FBXO25: variants seen among roughly 807,000 people sequenced by gnomAD.
FBXO25 encodes F-box protein 25, also known as F-box only protein 25.
FBXO25 carries 45 observed loss-of-function variants against 51.9 expected under a neutral mutation model. That is an observed-to-expected ratio of 0.87 (90% CI 0.68 to 1.11). FBXO25 has a LOEUF of 1.11. FBXO25 is among the 50% of genes most tolerant of loss of function. FBXO25 has a pLI of 0.00. For missense variants in FBXO25, 507 were observed against 428.5 expected (o/e 1.18, Z -1.62); for synonymous variants, 199 against 151.0 (o/e 1.32, Z -2.33).
chr8:442,848 A>G (rs923656277), intron 5 of FBXO25, among the ~76,000 whole-genome samples: 7 of 152,222 alleles, frequency 4.6e-5, no homozygotes, highest in African/African-American at 1.4e-4. Flanking sequence ...ACAGAAAAAG[A>G]TATATTTACA....
chr8:453,796 C>G (rs191687745), intron 7 of FBXO25, among the ~76,000 whole-genome samples: 4 of 152,282 alleles, frequency 2.6e-5, no homozygotes, highest in Admixed American at 1.3e-4. Context: ...TGACAGTTGT[C>G]TTTGTCTTCT....
chr8:443,890 G>C (rs924658693), intron 5 of FBXO25, among the ~76,000 whole-genome samples: 1 of 152,036 alleles, frequency 6.6e-6, no homozygotes, highest in Non-Finnish European at 1.5e-5. Context: ...GATCACTGAG[G>C]GCTGTGTCCA....
At chr8:419,841 C>A (rs1797042664) in intron 2 of FBXO25, among the ~76,000 whole-genome samples, 1 of 152,036 alleles carries the variant, frequency 6.6e-6, no homozygotes, top group Admixed American at 6.6e-5. Context: ...ATTCTACTCT[C>A]AGAGAACACA....
chr8:407,303 G>T, intron 1 of FBXO25: 1 of 961,468 alleles, frequency 1.0e-6, no homozygotes, highest in South Asian at 4.8e-5. Context: ...GTCAGGTGGG[G>T]ACGGGGTTGT....
intron 2 of FBXO25, among the ~76,000 whole-genome samples, chr8:417,088 A>G (rs1367569976): frequency 6.6e-6 from 1 of 152,228 alleles, no homozygotes; most frequent in African/African-American, 2.4e-5. Flanking sequence ...ATCATCTGGC[A>G]TATTCAGGGA....
chr8:439,515 TTAGA>T (rs1433034317), intron 5 of FBXO25, among the ~76,000 whole-genome samples: 2 of 152,246 alleles, frequency 1.3e-5, no homozygotes, highest in South Asian at 2.1e-4. Flanking sequence ...GGTGGACCAA[TTAGA>T]TAGCACATCC....
In FBXO25 at chr8:461,452, C is replaced by G. The variant is rs141917670; in HGVS notation, c.844-1555C>G. 2.6e-3 allele frequency among the ~76,000 whole-genome samples: 396 copies of G among 152,302 alleles called. 5 individuals are homozygous for G. Among genetic ancestry groups the G allele is most frequent in the East Asian group, 0.015 (78 of 5,174 alleles). Reference sequence around the variant, plus strand: ...AGGCAAGAGAGCATGTGCAGGGGAACTGCCCTTTATAAAATCATCAGATCT... The same window carrying G: ...AGGCAAGAGAGCATGTGCAGGGGAAGTGCCCTTTATAAAATCATCAGATCT... On this transcript the variant is annotated intron_variant, in intron 8 of 9. Transcript: ENST00000350302.
At chr8:415,286 A>G (rs768436474) in intron 2 of FBXO25, among the ~76,000 whole-genome samples, 167 of 152,176 alleles carry the variant, frequency 1.1e-3, no homozygotes, top group Non-Finnish European at 1.7e-3. Context: ...CCTTCTGCTT[A>G]CTTTTCAACT....
intron 2 of FBXO25, among the ~76,000 whole-genome samples, chr8:425,838 T>G (rs543059904): frequency 6.6e-6 from 1 of 152,172 alleles, no homozygotes; most frequent in African/African-American, 2.4e-5. Context: ...GGAACCACCT[T>G]GTTCTATTTT....
chr8:453,487 C>T (rs1799221890), intron 7 of FBXO25, among the ~76,000 whole-genome samples: 1 of 152,088 alleles, frequency 6.6e-6, no homozygotes, highest in South Asian at 2.1e-4. Context: ...TTACTTGAAA[C>T]CAGTAGAAAG....
intron 9 of FBXO25, among the ~76,000 whole-genome samples, chr8:465,236 T>C (rs1477265719): frequency 6.6e-6 from 1 of 152,190 alleles, no homozygotes; most frequent in Non-Finnish European, 1.5e-5. Context: ...ACACCTGTTC[T>C]TCTCTGAAAT....
rs893687823 is a variant in FBXO25, at chr8:469,125, C to T, written c.*321C>T. The T allele has an allele frequency of 5.2e-5, 13 of 250,798 alleles. No homozygotes were observed. The highest frequency in any genetic ancestry group is 1.5e-4 in the South Asian group (1 of 6,514). The allele number at this position is 250,798 out of a possible 1,614,324, so 15.5% of individuals were successfully genotyped here. A position where few individuals can be genotyped will look rare whatever the true frequency, so the allele number is the denominator to read the frequency against. On this transcript the variant is annotated 3_prime_UTR_variant, in exon 10 of 10. Coordinates refer to ENST00000350302, the MANE Select transcript of FBXO25 (RefSeq NM_183420.2). ...AGCTCCACATTCTTTGTTGACGTGA[C>T]ACTAACGGCCAATAATATGCTTCTT...
chr8:429,466 A>T (rs1301566187), intron 2 of FBXO25, among the ~76,000 whole-genome samples: 1 of 152,228 alleles, frequency 6.6e-6, no homozygotes, highest in South Asian at 2.1e-4. Flanking sequence ...TTATAAAAAG[A>T]GAACATGTTT....
chr8:451,405 A>G lies in FBXO25; in HGVS notation c.612A>G (p.Glu204=), dbSNP rs767062092. 6.2e-7 allele frequency: 1 copy of G among 1,613,952 alleles called. No homozygotes were observed. The highest frequency in any genetic ancestry group is 2.2e-5 in the East Asian group (1 of 44,866). Residue 204 remains glutamate (E), a synonymous_variant, in exon 7 of 10, where the codon GAA becomes GAG. Coordinates refer to ENST00000350302, the MANE Select transcript of FBXO25 (RefSeq NM_183420.2). ...GNINIWICRL[E]TILAWQQQLQ... ...TCAATATTTGGATTTGCCGATTAGAAACTATTCTCGCCTGGCAACAACAGC... is the reference window on the plus strand; with the variant it reads ...TCAATATTTGGATTTGCCGATTAGAGACTATTCTCGCCTGGCAACAACAGC...
At chr8:417,856 C>G (rs867518747) in intron 2 of FBXO25, among the ~76,000 whole-genome samples, 7 of 152,198 alleles carry the variant, frequency 4.6e-5, no homozygotes, top group Admixed American at 2.6e-4. Flanking sequence ...TTCATTATTT[C>G]TAGTGGTATA....
chr8:427,624 T>C (rs10089646), intron 2 of FBXO25, among the ~76,000 whole-genome samples: 54,857 of 134,796 alleles, frequency 0.41, 11,811 homozygotes, highest in African/African-American at 0.47. Flanking sequence ...ATCAAGGGCT[T>C]GGCAGGGTTG....
At position 477,316 on chromosome 8, in the gene FBXO25, TTCTG is replaced by T. The variant is rs1800674466; in HGVS notation, c.*8517_*8520del. ...TTCAAGTTCTGTCTTGCGACTGATC[TTCTG>T]TCTGGTTGTCCTATCCGTTACTGAA... On this transcript the variant is annotated 3_prime_UTR_variant, in exon 10 of 10. Transcript: ENST00000350302. The T allele has an allele frequency of 6.6e-6, 1 of 152,222 alleles. No homozygotes were observed. Among genetic ancestry groups the T allele is most frequent in the Admixed American group, 6.5e-5 (1 of 15,268 alleles). 9.4% of individuals were successfully genotyped at this position (152,222 alleles called of 1,614,324 possible). A position where few individuals can be genotyped will look rare whatever the true frequency, so the allele number is the denominator to read the frequency against.
chr8:432,604 G>A (rs1414693711), intron 3 of FBXO25, among the ~76,000 whole-genome samples: 1 of 152,100 alleles, frequency 6.6e-6, no homozygotes, highest in Non-Finnish European at 1.5e-5. Context: ...TAATGTAATT[G>A]CATTTTATAA....
intron 2 of FBXO25, among the ~76,000 whole-genome samples, chr8:415,847 A>G (rs1796766370): frequency 6.6e-6 from 1 of 152,188 alleles, no homozygotes; most frequent in South Asian, 2.1e-4. Flanking sequence ...TAAATACTAT[A>G]TATCTTTAAG....
Sources: gnomAD v4.1 joint callset for allele counts (sites outside exome capture counted in the v4.1 genomes callset) on GRCh38, gnomAD v4.1.1 for gene constraint, MANE v1.5 for transcripts, NCBI Gene and HGNC (gene_info 2026-07-23, HGNC 2026-07-21) for gene names.